ANXA8: variants seen among roughly 807,000 people sequenced by gnomAD.
The protein encoded by ANXA8 is VAC-beta.
Under a neutral mutation model 26.8 loss-of-function variants are expected in ANXA8, and 9 were observed. That is an observed-to-expected ratio of 0.34 (90% CI 0.20 to 0.59). ANXA8 has a LOEUF of 0.59. Ranked by LOEUF, ANXA8 falls within the 20% of genes least tolerant of loss-of-function variation. ANXA8 has a pLI of 0.84. For synonymous variants in ANXA8, 39 were observed against 94.8 expected, an observed-to-expected ratio of 0.41 and a Z score of 3.42; for missense variants, 83 against 238.5, an observed-to-expected ratio of 0.35 and a Z score of 4.29.
chr10:47,907,099 G>A, the ANXA8 span, among the ~76,000 whole-genome samples: 1,357 of 151,710 alleles, frequency 8.9e-3, 12 homozygotes, highest in African/African-American at 0.023. Context: ...GCTCATGCTT[G>A]TAATCCCAGC....
chr10:47,721,070 C>G, the ANXA8 span, among the ~76,000 whole-genome samples: 9 of 140,750 alleles, frequency 6.4e-5, 2 homozygotes, highest in Non-Finnish European at 1.2e-4. Context: ...TTGTTTGAGC[C>G]CAGGAGATCA....
the ANXA8 span, among the ~76,000 whole-genome samples, chr10:47,671,804 A>G: frequency 1.3e-5 from 2 of 151,900 alleles, no homozygotes; most frequent in African/African-American, 4.8e-5. Context: ...TGATGTCTAG[A>G]CAGAAAATCT....
At chr10:47,554,225 C>G in the ANXA8 span, among the ~76,000 whole-genome samples, 2 of 139,656 alleles carry the variant, frequency 1.4e-5, no homozygotes, top group Non-Finnish European at 3.1e-5. Flanking sequence ...GAGGCTGAGG[C>G]GGGACGATCG....
the ANXA8 span, among the ~76,000 whole-genome samples, chr10:47,529,602 T>TTAC: frequency 8.4e-6 from 1 of 119,580 alleles, no homozygotes; most frequent in African/African-American, 3.3e-5. Context: ...ATGCTCAGAT[T>TTAC]TACCATTTAT....
At chr10:47,895,300 A>G in the ANXA8 span, among the ~76,000 whole-genome samples, 1 of 152,314 alleles carries the variant, frequency 6.6e-6, no homozygotes, top group East Asian at 1.9e-4. Context: ...TTGGAGGGAC[A>G]CCCCAAGAAA....
chr10:47,752,935 C>T, the ANXA8 span: 4 of 76,678 alleles, frequency 5.2e-5, no homozygotes, highest in Admixed American at 1.5e-4. Flanking sequence ...GGTAAAATTC[C>T]GTCTCTACTA....
chr10:47,954,475 C>A, the ANXA8 span, among the ~76,000 whole-genome samples: 20 of 151,038 alleles, frequency 1.3e-4, no homozygotes, highest in African/African-American at 4.6e-4. Flanking sequence ...GAATAAGATG[C>A]AGTATTTGAT....
chr10:47,988,405 A>G, the ANXA8 span, among the ~76,000 whole-genome samples: 4 of 64,758 alleles, frequency 6.2e-5, no homozygotes, highest in Non-Finnish European at 1.5e-4. Flanking sequence ...TCAGGTTGTC[A>G]ACCCTCAGGG....
chr10:47,954,279 A>G, the ANXA8 span, among the ~76,000 whole-genome samples: 12 of 151,196 alleles, frequency 7.9e-5, 2 homozygotes, highest in East Asian at 2.4e-3. Flanking sequence ...GTTAAATGAA[A>G]TAAAAAAGGC....
the ANXA8 span, chr10:47,690,086 G>A: frequency 1.9e-6 from 2 of 1,073,466 alleles, 1 homozygote; most frequent in Non-Finnish European, 2.6e-6. Context: ...GGATTTAAAA[G>A]CACAGTTCCG....
chr10:47,645,581 G>A, the ANXA8 span, among the ~76,000 whole-genome samples: 1 of 151,578 alleles, frequency 6.6e-6, no homozygotes, highest in Non-Finnish European at 1.5e-5. Flanking sequence ...ATTTCTTCAT[G>A]TGTCTATTTA....
At chr10:47,648,613 T>C in the ANXA8 span, among the ~76,000 whole-genome samples, 3 of 125,240 alleles carry the variant, frequency 2.4e-5, no homozygotes, top group Admixed American at 2.4e-4. Context: ...TATTTTGTAA[T>C]ACGATCATGA....
chr10:47,899,086 C>T, the ANXA8 span, among the ~76,000 whole-genome samples: 1 of 151,766 alleles, frequency 6.6e-6, no homozygotes, highest in Non-Finnish European at 1.5e-5. Flanking sequence ...GATCCGCCCG[C>T]CTTGGCCTCC....
chr10:47,487,760 G>T (rs1451401228), upstream of ANXA8, among the ~76,000 whole-genome samples: 1 of 144,200 alleles, frequency 6.9e-6, no homozygotes. Context: ...TTTTCTTTTG[G>T]CTTGGTTTAT....
chr10:47,625,017 G>A, the ANXA8 span, among the ~76,000 whole-genome samples: 1 of 38,194 alleles, frequency 2.6e-5, no homozygotes, highest in Admixed American at 2.5e-4. Context: ...CTATTTCTTT[G>A]TCAACCAGGA....
the ANXA8 span, among the ~76,000 whole-genome samples, chr10:47,744,431 A>ATGGGGGAAGGGGGGGGGGGGGGGGG: frequency 1.9e-4 from 1 of 5,398 alleles, no homozygotes. Flanking sequence ...GTTGGGGGGG[A>ATGGGGGAAGGGGGGGGGGGGGGGGG]GGGGGGAAGA....
the ANXA8 span, among the ~76,000 whole-genome samples, chr10:47,556,745 A>C: frequency 6.6e-6 from 1 of 151,232 alleles, no homozygotes; most frequent in Non-Finnish European, 1.5e-5. Flanking sequence ...AAATACATAC[A>C]TATGTATTAT....
the ANXA8 span, among the ~76,000 whole-genome samples, chr10:47,632,349 T>TTTTG: frequency 1.3e-5 from 2 of 150,430 alleles, no homozygotes; most frequent in Non-Finnish European, 1.5e-5. Context: ...TTGATCCTAC[T>TTTTG]TTTGTTTGTT....
At chr10:47,733,178 T>TTTC in the ANXA8 span, among the ~76,000 whole-genome samples, 1 of 109,506 alleles carries the variant, frequency 9.1e-6, no homozygotes, top group South Asian at 3.8e-4. Context: ...TCTTTCTTTC[T>TTTC]TTCTTTCTTT....
Sources: gnomAD v4.1 joint callset for allele counts (sites outside exome capture counted in the v4.1 genomes callset) on GRCh38, gnomAD v4.1.1 for gene constraint, MANE v1.5 for transcripts, NCBI Gene and HGNC (gene_info 2026-07-23, HGNC 2026-07-21) for gene names.